ZNF385D: variants seen among roughly 807,000 people sequenced by gnomAD.
The protein encoded by ZNF385D is zinc finger protein 659.
In ZNF385D, 15 loss-of-function variants were observed where a neutral mutation model predicts 35.8. The observed-to-expected ratio is 0.42, with a 90% CI of 0.28 to 0.64. The LOEUF is 0.64. Ranked by LOEUF, ZNF385D falls within the 30% of genes least tolerant of loss-of-function variation. The pLI is 0.23. For missense variants in ZNF385D, 474 were observed against 494.6 expected (o/e 0.96, Z 0.39); for synonymous variants, 212 against 186.8 (o/e 1.13, Z -1.10).
intron 2 of ZNF385D, among the ~76,000 whole-genome samples, chr3:21,597,419 C>G (rs905366930): frequency 1.3e-5 from 2 of 151,512 alleles, no homozygotes; most frequent in Admixed American, 1.3e-4. Flanking sequence ...TCTACTTCCA[C>G]AAAACTTGTA....
chr3:22,057,454 T>C (rs1301481970), intron 3 of ZNF385D, among the ~76,000 whole-genome samples: 1 of 152,186 alleles, frequency 6.6e-6, no homozygotes, highest in Non-Finnish European at 1.5e-5. Flanking sequence ...TGCAATTAAA[T>C]TGGATAAAAG....
At chr3:21,662,429 T>C (rs527292012) in intron 2 of ZNF385D, among the ~76,000 whole-genome samples, 13 of 152,316 alleles carry the variant, frequency 8.5e-5, no homozygotes, top group Middle Eastern at 3.4e-3. Flanking sequence ...TCCAGCCTGA[T>C]GAAATGGGCT....
chr3:22,298,455 A>C (rs1181306381), intron 2 of ZNF385D, among the ~76,000 whole-genome samples: 1 of 126,462 alleles, frequency 7.9e-6, no homozygotes, highest in Non-Finnish European at 1.8e-5. Flanking sequence ...AAATATTTAT[A>C]TATAATATAT....
At chr3:21,821,250 G>T (rs1694205479) in intron 3 of ZNF385D, among the ~76,000 whole-genome samples, 1 of 151,950 alleles carries the variant, frequency 6.6e-6, no homozygotes, top group South Asian at 2.1e-4. Context: ...TCTCCACCAA[G>T]CGTTGAGCAC....
intron 3 of ZNF385D, among the ~76,000 whole-genome samples, chr3:21,961,207 A>G (rs1702569773): frequency 6.6e-6 from 1 of 152,094 alleles, no homozygotes; most frequent in South Asian, 2.1e-4. Context: ...TATGTCAACT[A>G]AAAAAATAAA....
chr3:22,018,881 A>T (rs1255660228), intron 3 of ZNF385D, among the ~76,000 whole-genome samples: 1 of 151,830 alleles, frequency 6.6e-6, no homozygotes. Flanking sequence ...TTAGATTCCC[A>T]ATGCATAGGC....
chr3:21,877,680 C>T (rs911203472), intron 3 of ZNF385D, among the ~76,000 whole-genome samples: 18 of 152,070 alleles, frequency 1.2e-4, no homozygotes, highest in Admixed American at 9.2e-4. Flanking sequence ...AAGGGGCCTG[C>T]AGTGAAATGT....
intron 3 of ZNF385D, among the ~76,000 whole-genome samples, chr3:21,551,244 C>A (rs552043503): frequency 6.6e-6 from 1 of 152,128 alleles, no homozygotes; most frequent in African/African-American, 2.4e-5. Flanking sequence ...TAGTAACAAC[C>A]ATTGAAACTT....
intron 3 of ZNF385D, among the ~76,000 whole-genome samples, chr3:21,527,243 C>A (rs1455392794): frequency 3.3e-5 from 5 of 152,226 alleles, no homozygotes; most frequent in African/African-American, 9.6e-5. Flanking sequence ...TCACACTGTG[C>A]ATACTGTTAC....
intron 3 of ZNF385D, among the ~76,000 whole-genome samples, chr3:22,097,632 C>A (rs74850337): frequency 0.019 from 2,928 of 152,004 alleles, 54 homozygotes; most frequent in South Asian, 0.028. Context: ...AGGATCTACC[C>A]CAGGGAAGAA....
At chr3:22,000,614 A>T (rs2125413753) in intron 3 of ZNF385D, among the ~76,000 whole-genome samples, 1 of 152,282 alleles carries the variant, frequency 6.6e-6, no homozygotes, top group Admixed American at 6.5e-5. Flanking sequence ...TTGAAAAAAA[A>T]ATCAAAGACA....
chr3:21,849,422 T>C (rs1460913109), intron 3 of ZNF385D, among the ~76,000 whole-genome samples: 1 of 152,084 alleles, frequency 6.6e-6, no homozygotes, highest in African/African-American at 2.4e-5. Context: ...GAATGTGACA[T>C]CTGAATATTC....
At chr3:22,277,680 G>GT (rs1701498257) in intron 2 of ZNF385D, among the ~76,000 whole-genome samples, 1 of 152,046 alleles carries the variant, frequency 6.6e-6, no homozygotes, top group South Asian at 2.1e-4. Flanking sequence ...TAGCACAAAT[G>GT]TTTTTTACAA....
At chr3:21,934,505 T>C (rs370429026) in intron 3 of ZNF385D, among the ~76,000 whole-genome samples, 8 of 152,320 alleles carry the variant, frequency 5.3e-5, no homozygotes, top group East Asian at 1.9e-4. Flanking sequence ...ATTCACTGTG[T>C]AAAGATCTTG....
At chr3:21,456,284 C>A (rs1217871228) in intron 4 of ZNF385D, among the ~76,000 whole-genome samples, 1 of 152,152 alleles carries the variant, frequency 6.6e-6, no homozygotes, top group Non-Finnish European at 1.5e-5. Flanking sequence ...GACACACGCA[C>A]ATGTATGTTT....
chr3:22,061,027 A>C (rs1699660654), intron 3 of ZNF385D, among the ~76,000 whole-genome samples: 1 of 152,104 alleles, frequency 6.6e-6, no homozygotes, highest in South Asian at 2.1e-4. Context: ...TGGATATTTA[A>C]AAGGTTTGTT....
At chr3:21,828,646 AC>A (rs1302341858) in intron 3 of ZNF385D, among the ~76,000 whole-genome samples, 1 of 152,168 alleles carries the variant, frequency 6.6e-6, no homozygotes, top group Non-Finnish European at 1.5e-5. Context: ...ACAGAAATAA[AC>A]CATCTTTGTT....
intron 2 of ZNF385D, among the ~76,000 whole-genome samples, chr3:22,290,602 C>A (rs1056779704): frequency 6.6e-6 from 1 of 152,150 alleles, no homozygotes; most frequent in East Asian, 1.9e-4. Context: ...TCTGCCCGCC[C>A]CTCCTTCTTG....
chr3:21,629,926 T>A (rs1222301595), intron 2 of ZNF385D, among the ~76,000 whole-genome samples: 1 of 152,154 alleles, frequency 6.6e-6, no homozygotes, highest in African/African-American at 2.4e-5. Context: ...CATCACAATA[T>A]TTACTGCAAT....
Sources: gnomAD v4.1 joint callset for allele counts (sites outside exome capture counted in the v4.1 genomes callset) on GRCh38, gnomAD v4.1.1 for gene constraint, MANE v1.5 for transcripts, NCBI Gene and HGNC (gene_info 2026-07-23, HGNC 2026-07-21) for gene names.